Variants in CTDP1 observed in about 807,000 individuals in gnomAD.
CTDP1 encodes the protein RNA polymerase II subunit A C-terminal domain phosphatase.
A neutral mutation model predicts 91.8 loss-of-function variants in CTDP1; 47 were observed. The observed-to-expected ratio is 0.51, with a 90% CI of 0.41 to 0.65. The LOEUF is 0.65. Among genes scored for constraint, CTDP1 ranks in the 30% least tolerant of loss-of-function variants. CTDP1 has a pLI of 0.00. For synonymous variants in CTDP1, 656 were observed against 598.5 expected (o/e 1.10, Z -1.40); for missense variants, 1,272 against 1,373.7 (o/e 0.93, Z 1.17).
intron 11 of CTDP1, among the ~76,000 whole-genome samples, chr18:79,735,109 C>T (rs996561237): frequency 3.3e-5 from 5 of 151,994 alleles, no homozygotes; most frequent in African/African-American, 9.7e-5. Context: ...GATTTCTGAT[C>T]GAAGCGGCTT....
chr18:79,698,161 G>A (rs766817871), intron 4 of CTDP1, among the ~76,000 whole-genome samples, 173 bp downstream of exon 4: 13 of 152,250 alleles, frequency 8.5e-5, no homozygotes, highest in Non-Finnish European at 1.3e-4. Flanking sequence ...CTGTTGGGGA[G>A]CATCCGCGGC....
At chr18:79,708,596 A>G (rs545048644) in intron 5 of CTDP1, among the ~76,000 whole-genome samples, 1 of 152,302 alleles carries the variant, frequency 6.6e-6, no homozygotes, top group South Asian at 2.1e-4. Context: ...TTAAGTCTTG[A>G]GAGAATGTGG....
intron 12 of CTDP1, among the ~76,000 whole-genome samples, chr18:79,740,725 G>A (rs1388517843): frequency 6.6e-6 from 1 of 152,144 alleles, no homozygotes; most frequent in Non-Finnish European, 1.5e-5. Context: ...ACATAAGGGG[G>A]AAGGTTGTGT....
At chr18:79,688,097 CCCA>C (rs1330313427) in intron 1 of CTDP1, among the ~76,000 whole-genome samples, 1 of 152,248 alleles carries the variant, frequency 6.6e-6, no homozygotes, top group African/African-American at 2.4e-5. Flanking sequence ...CTGCCAGAGC[CCCA>C]CCTGTGCGTG....
At chr18:79,735,457 C>T (rs1165939956) in intron 11 of CTDP1, among the ~76,000 whole-genome samples, 1 of 152,252 alleles carries the variant, frequency 6.6e-6, no homozygotes, top group Non-Finnish European at 1.5e-5. Flanking sequence ...GAGAGCTGCC[C>T]GCCAACACCA....
chr18:79,720,678 G>C (rs1009308468), intron 10 of CTDP1, among the ~76,000 whole-genome samples: 2 of 152,212 alleles, frequency 1.3e-5, no homozygotes, highest in Admixed American at 1.3e-4. Context: ...TCCTGTTGCG[G>C]GCTGGTTGGG....
intron 1 of CTDP1, among the ~76,000 whole-genome samples, chr18:79,694,130 C>T (rs544443004): frequency 6.6e-6 from 1 of 151,756 alleles, no homozygotes; most frequent in South Asian, 2.1e-4. Context: ...TCAGGGTGGT[C>T]GGAGCAGCCC....
At chr18:79,736,308 C>T (rs944583114) in intron 11 of CTDP1, 47 bp from the exon 12 acceptor site, 13 of 1,548,160 alleles carry the variant, frequency 8.4e-6, no homozygotes, top group Middle Eastern at 2.3e-4. Context: ...TGCGGAGGAA[C>T]GGGGCCCGGG....
intron 1 of CTDP1, among the ~76,000 whole-genome samples, chr18:79,688,842 T>C (rs187691806): frequency 6.6e-6 from 1 of 152,376 alleles, no homozygotes; most frequent in African/African-American, 2.4e-5. Context: ...ACCCAGCCAC[T>C]CTGGCTCTTT....
At chr18:79,703,413 C>T (rs1293836910) in intron 4 of CTDP1, among the ~76,000 whole-genome samples, 1 of 152,196 alleles carries the variant, frequency 6.6e-6, no homozygotes, top group Non-Finnish European at 1.5e-5. Flanking sequence ...CTAAGGAAAG[C>T]AGACTCATTT....
chr18:79,679,760 G>A, upstream of CTDP1: 2 of 547,126 alleles, frequency 3.7e-6, no homozygotes, highest in Non-Finnish European at 6.4e-6. Flanking sequence ...GCGCACGTAC[G>A]CACGTACGCG....
chr18:79,740,325 G>T (rs866797187), intron 12 of CTDP1, among the ~76,000 whole-genome samples: 1 of 152,214 alleles, frequency 6.6e-6, no homozygotes, highest in Admixed American at 6.5e-5. Flanking sequence ...AGGGTGGGGC[G>T]GTGGGGTCTT....
intron 4 of CTDP1, 75 bp downstream of exon 4, chr18:79,698,063 T>C: frequency 6.3e-7 from 1 of 1,582,988 alleles, no homozygotes; most frequent in East Asian, 2.3e-5. Context: ...AAGTGTGTTC[T>C]CTTGTTTTTT....
chr18:79,750,775 A>G (rs999777810), intron 12 of CTDP1, among the ~76,000 whole-genome samples: 1 of 151,170 alleles, frequency 6.6e-6, no homozygotes, highest in Admixed American at 6.6e-5. Context: ...TGGCCTCCCA[A>G]AGTGCTGGTA....
intron 3 of CTDP1, among the ~76,000 whole-genome samples, chr18:79,696,297 C>G (rs941245813): frequency 6.6e-6 from 1 of 152,188 alleles, no homozygotes; most frequent in African/African-American, 2.4e-5. Context: ...CTCAGGGCCC[C>G]GAGGCTGTGT....
chr18:79,711,061 T>C (rs1272776552), intron 6 of CTDP1, among the ~76,000 whole-genome samples: 2 of 151,998 alleles, frequency 1.3e-5, no homozygotes, highest in Non-Finnish European at 2.9e-5. Flanking sequence ...TGAGCTGGGC[T>C]TTTGTGTCTG....
intron 5 of CTDP1, among the ~76,000 whole-genome samples, chr18:79,706,599 A>G (rs974161091): frequency 5.9e-5 from 9 of 152,214 alleles, no homozygotes; most frequent in Non-Finnish European, 1.0e-4. Flanking sequence ...TTGTCTTAAT[A>G]TATGTACAAG....
At chr18:79,747,408 A>G (rs1169887485) in intron 12 of CTDP1, among the ~76,000 whole-genome samples, 4 of 152,182 alleles carry the variant, frequency 2.6e-5, no homozygotes, top group African/African-American at 9.6e-5. Context: ...TCAGGTGCAG[A>G]CGCCACGGAG....
upstream of CTDP1, among the ~76,000 whole-genome samples, chr18:79,676,914 T>C (rs748470975): frequency 2.6e-5 from 4 of 152,242 alleles, no homozygotes; most frequent in African/African-American, 7.2e-5. Flanking sequence ...TTAAGTTTCA[T>C]TGGCTGTATA....
Sources: allele counts gnomAD v4.1 joint callset (sites outside exome capture counted in the v4.1 genomes callset), GRCh38; gene constraint gnomAD v4.1.1; transcripts MANE v1.5; gene names NCBI Gene and HGNC (gene_info 2026-07-23, HGNC 2026-07-21).